CDH2: variants seen among roughly 807,000 people sequenced by gnomAD.
The protein encoded by CDH2 is cadherin 2.
A neutral mutation model predicts 92.0 loss-of-function variants in CDH2; 17 were observed. The observed-to-expected ratio is 0.18, with a 90% CI of 0.13 to 0.28. The LOEUF is 0.28. Ranked by LOEUF, CDH2 falls within the 10% of genes least tolerant of loss-of-function variation. The pLI is 1.00. For missense variants in CDH2, 862 were observed against 1,133.1 expected (o/e 0.76, Z 3.44); for synonymous variants, 419 against 415.9 (o/e 1.01, Z -0.09).
intron 2 of CDH2, among the ~76,000 whole-genome samples, chr18:28,134,420 T>C (rs78383725): frequency 6.7e-6 from 1 of 149,710 alleles, no homozygotes; most frequent in Non-Finnish European, 1.5e-5. Context: ...TAAAAAAAAA[T>C]GTTGAGCAGC....
intron 2 of CDH2, among the ~76,000 whole-genome samples, chr18:28,065,467 G>T (rs1335810720): frequency 6.6e-6 from 1 of 152,108 alleles, no homozygotes; most frequent in Non-Finnish European, 1.5e-5. Context: ...GTAATAAAAA[G>T]ATTTTTCAAA....
chr18:27,951,774 A>T lies in CDH2; in HGVS notation c.*379T>A, dbSNP rs1032950847. On this transcript the variant is annotated 3_prime_UTR_variant, in exon 16 of 16. Coordinates refer to ENST00000269141, the MANE Select transcript of CDH2 (RefSeq NM_001792.5). ...ATAAAAGCAAATGCAATGTAACAAA[A>T]GCGTGTTGAAGCATATCATGGTTTA... The T allele has an allele frequency of 1.2e-5, 2 of 170,132 alleles. No homozygotes were observed. The highest frequency in any genetic ancestry group is 4.8e-5 in the African/African-American group (2 of 41,858). The allele number at this position is 170,132 out of a possible 1,614,324, so 10.5% of individuals were successfully genotyped here. A position where few individuals can be genotyped will look rare whatever the true frequency, so the allele number is the denominator to read the frequency against.
intron 2 of CDH2, among the ~76,000 whole-genome samples, chr18:28,145,540 G>C (rs2016022323): frequency 1.3e-5 from 2 of 151,888 alleles, no homozygotes; most frequent in African/African-American, 4.8e-5. Context: ...CTATAGCATT[G>C]GATTATCCTT....
intron 14 of CDH2, among the ~76,000 whole-genome samples, chr18:27,978,234 C>T (rs7243677): frequency 0.38 from 52,972 of 140,260 alleles, 10,370 homozygotes; most frequent in Non-Finnish European, 0.49. Context: ...AAACAGAATC[C>T]ACCAAAAATC....
At chr18:28,153,820 C>A (rs2016164439) in intron 1 of CDH2, among the ~76,000 whole-genome samples, 1 of 152,182 alleles carries the variant, frequency 6.6e-6, no homozygotes, top group South Asian at 2.1e-4. Context: ...AGCTATTTGT[C>A]ATCACAGTAC....
chr18:28,064,144 G>T (rs547635629), intron 2 of CDH2, among the ~76,000 whole-genome samples: 2 of 150,852 alleles, frequency 1.3e-5, no homozygotes, highest in East Asian at 1.9e-4. Flanking sequence ...AGAGGGGGGG[G>T]TAGGTGGGGA....
At chr18:27,936,366 C>T (rs922773958) in intron 6 of CDH2, among the ~76,000 whole-genome samples, 4 of 152,140 alleles carry the variant, frequency 2.6e-5, no homozygotes, top group Admixed American at 1.3e-4. Context: ...GACACAAATG[C>T]AGGGCTCCTG....
At chr18:28,065,654 G>T (rs1194774821) in intron 2 of CDH2, among the ~76,000 whole-genome samples, 3 of 152,128 alleles carry the variant, frequency 2.0e-5, no homozygotes, top group Non-Finnish European at 4.4e-5. Flanking sequence ...TGTTTGCCCA[G>T]AGTCCTGACT....
At chr18:28,090,102 C>G (rs2015008541) in intron 2 of CDH2, among the ~76,000 whole-genome samples, 1 of 152,170 alleles carries the variant, frequency 6.6e-6, no homozygotes, top group African/African-American at 2.4e-5. Context: ...CCTTTCCTTT[C>G]TGAATATAAG....
intron 1 of CDH2, among the ~76,000 whole-genome samples, chr18:28,152,571 C>G (rs1348115996): frequency 1.3e-5 from 2 of 152,102 alleles, no homozygotes; most frequent in African/African-American, 4.8e-5. Context: ...CAGCATAGTG[C>G]CTGGGGAATA....
intron 6 of CDH2, 149 bp downstream of exon 6, chr18:28,005,700 G>T: frequency 1.3e-5 from 7 of 557,714 alleles, no homozygotes; most frequent in South Asian, 8.2e-5. Flanking sequence ...TTTTCCCTAA[G>T]TTACCTTCCT....
At chr18:28,035,777 T>TA (rs1439522804) in intron 2 of CDH2, among the ~76,000 whole-genome samples, 2 of 152,096 alleles carry the variant, frequency 1.3e-5, no homozygotes, top group African/African-American at 4.8e-5. Flanking sequence ...CTCTTGTCTT[T>TA]GTCCATTCCA....
intron 2 of CDH2, among the ~76,000 whole-genome samples, chr18:28,078,755 C>G (rs2014773332): frequency 6.6e-6 from 1 of 151,858 alleles, no homozygotes; most frequent in Non-Finnish European, 1.5e-5. Flanking sequence ...AACATGTCCA[C>G]ACAATAACAG....
At chr18:28,112,473 G>C (rs1367311701) in intron 2 of CDH2, among the ~76,000 whole-genome samples, 1 of 152,188 alleles carries the variant, frequency 6.6e-6, no homozygotes, top group Non-Finnish European at 1.5e-5. Context: ...CACCGAGGTG[G>C]TGGATTCAGC....
chr18:28,013,577 A>C, intron 3 of CDH2, 106 bp downstream of exon 3: 2 of 774,958 alleles, frequency 2.6e-6, no homozygotes, highest in Non-Finnish European at 4.5e-6. Flanking sequence ...ATACAAATGC[A>C]AATAGTGGCC....
At chr18:28,100,982 A>G (rs959581404) in intron 2 of CDH2, among the ~76,000 whole-genome samples, 1 of 152,174 alleles carries the variant, frequency 6.6e-6, no homozygotes, top group Non-Finnish European at 1.5e-5. Flanking sequence ...TAAAATGTGA[A>G]GTTCTGCAAA....
intron 1 of CDH2, among the ~76,000 whole-genome samples, chr18:28,173,901 T>TA (rs1360171995): frequency 5.9e-5 from 9 of 152,208 alleles, no homozygotes; most frequent in Non-Finnish European, 4.4e-5. Flanking sequence ...CTTTGTGATA[T>TA]AATATTTTAT....
intron 5 of CDH2, among the ~76,000 whole-genome samples, chr18:28,007,168 ATATATAT>A (rs1567961281): frequency 1.5e-5 from 2 of 130,106 alleles, no homozygotes; most frequent in Admixed American, 1.5e-4. Flanking sequence ...AAAAAAAAAT[ATATATAT>A]ATATATATAT....
Position 28,022,547 on chromosome 18 carries a change from T to C in CDH2, c.173-8638A>G, listed in dbSNP as rs530384264. ...AAGAGTTAGTGGGAGTAAAGGGCAG[T>C]AGAGTATTTACCACTTTTTCTCCAA... On this transcript the variant is annotated intron_variant, in intron 2 of 15. Transcript: ENST00000269141. Among the ~76,000 whole-genome samples the C allele has an allele frequency of 2.6e-5, 4 of 152,214 alleles. No individual in the cohort carries two copies. In the East Asian group the frequency reaches 7.7e-4, roughly 29 times the overall value.
Sources: allele counts gnomAD v4.1 joint callset (sites outside exome capture counted in the v4.1 genomes callset), GRCh38; gene constraint gnomAD v4.1.1; transcripts MANE v1.5; gene names NCBI Gene and HGNC (gene_info 2026-07-23, HGNC 2026-07-21).